WDR73: variants seen among roughly 807,000 people sequenced by gnomAD.
The protein encoded by WDR73 is integrator complex assembly factor WDR73.
In WDR73, 30 loss-of-function variants were observed where a neutral mutation model predicts 38.2. The ratio of observed to expected loss-of-function variants is 0.79; its 90% CI spans 0.59 to 1.06. The LOEUF (loss-of-function observed/expected upper bound fraction) is 1.06. WDR73 is among the 50% of genes least tolerant of loss of function. The pLI, the probability that WDR73 is intolerant of heterozygous loss-of-function variation, is 0.00. For synonymous variants in WDR73, 197 were observed against 176.0 expected (o/e 1.12, Z -0.94); for missense variants, 487 against 467.0 (o/e 1.04, Z -0.40).
chr15:84,648,323 C>A lies in WDR73; in HGVS notation c.287+214G>T, dbSNP rs114502527. 9.5e-4 allele frequency: 560 copies of A among 589,566 alleles called. 4 individuals are homozygous for A. The highest frequency in any genetic ancestry group is 9.3e-3 in the African/African-American group (502 of 53,886). 36.5% of individuals were successfully genotyped at this position (589,566 alleles called of 1,614,324 possible). On this transcript the variant is annotated intron_variant, in intron 4 of 7. Transcript: ENST00000434634. ...GCAACTCCGGTAGAACTGTTACTTA[C>A]ATTAGTCCAAGGGCTCTGGGGGGCT...
intron 5 of WDR73, 83 bp downstream of exon 5, chr15:84,647,807 T>C: frequency 7.2e-7 from 1 of 1,387,898 alleles, no homozygotes; most frequent in South Asian, 1.2e-5. Flanking sequence ...AGTCTCCTTC[T>C]TAACTGGCTC....
Position 84,645,570 on chromosome 15 carries a change from C to T in WDR73, c.784G>A (p.Val262Met), listed in dbSNP as rs1288537019. The change falls in exon 7 of 8, where the codon GTG (valine) becomes ATG (methionine). Residue 262 changes from valine to methionine, a missense_variant. Transcript: ENST00000434634. ...LLDPRDLCHP[V>M]SSVQCPVSVP... ...GATACTGGGCACTGGACTGAGCTCA[C>T]AGGATGGCAGAGATCCCGGGGGTCA... 1 of 1,611,550 alleles carries T rather than the reference C, an allele frequency of 6.2e-7. No homozygotes were observed. The highest frequency in any genetic ancestry group is 8.5e-7 in the Non-Finnish European group (1 of 1,178,902).
intron 4 of WDR73, 60 bp from the exon 5 acceptor site, chr15:84,648,014 C>A: frequency 6.7e-7 from 1 of 1,489,290 alleles, no homozygotes. Flanking sequence ...CAGGTCCCTT[C>A]CCCTTTCCAG....
rs1361794739 is a variant in WDR73 at position 84,643,100 on chromosome 15, T to C, written c.*370A>G. On this transcript the variant is annotated 3_prime_UTR_variant, in exon 8 of 8. Coordinates refer to ENST00000434634, the MANE Select transcript of WDR73 (RefSeq NM_032856.5). ...TAGGGCTGGGATTTTTTCATGTTTA[T>C]TGGCCCCTCTACATTTTTTTCTTTA... The C allele has an allele frequency of 1.0e-5, 2 of 193,940 alleles. No individual in the cohort carries two copies. The highest frequency in any genetic ancestry group is 2.4e-5 in the African/African-American group (1 of 42,296). 12.0% of individuals were successfully genotyped at this position (193,940 alleles called of 1,614,324 possible). A position where few individuals can be genotyped will look rare whatever the true frequency, so the allele number is the denominator to read the frequency against.
intron 5 of WDR73, 193 bp downstream of exon 5, chr15:84,647,697 A>C: frequency 1.7e-6 from 1 of 604,620 alleles, no homozygotes; most frequent in Non-Finnish European, 3.0e-6. Context: ...AGGTTTCACC[A>C]TGTTGTACAA....
At chr15:84,648,221 T>C in intron 4 of WDR73, 3 of 590,302 alleles carry the variant, frequency 5.1e-6, no homozygotes, top group East Asian at 5.6e-5. Flanking sequence ...CCAGAGACTC[T>C]TGGCCTCTCC....
chr15:84,654,053 G>A (rs916660004), intron 1 of WDR73, 181 bp downstream of exon 1: 35 of 774,038 alleles, frequency 4.5e-5, no homozygotes, highest in Middle Eastern at 2.4e-4. Flanking sequence ...GCGCACGCAG[G>A]AAGGAGCCAT....
At position 84,642,081 on chromosome 15, in the gene WDR73, C is replaced by T. The variant is rs184075412; in HGVS notation, c.*1389G>A. ...CCCTGGCCGGGCGCGGTGGCTCACA[C>T]CTGTAATCCCAGCTCTTCGGGAGGC... is the stretch of plus-strand genomic sequence containing the variant. On this transcript the variant is annotated 3_prime_UTR_variant, in exon 8 of 8. Transcript: ENST00000434634. 5.7e-3 allele frequency: 863 copies of T among 152,290 alleles called. 6 individuals are homozygous for T. The highest frequency in any genetic ancestry group is 0.016 in the African/African-American group (679 of 41,530). The allele number at this position is 152,290 out of a possible 1,614,324, so 9.4% of individuals were successfully genotyped here.
At chr15:84,648,069 T>A in intron 4 of WDR73, 115 bp from the exon 5 acceptor site, 1 of 911,228 alleles carries the variant, frequency 1.1e-6, no homozygotes, top group Non-Finnish European at 1.8e-6. Flanking sequence ...GACATCTTAC[T>A]GCAAGATCAT....
intron 7 of WDR73, 95 bp downstream of exon 7, chr15:84,645,376 G>C: frequency 6.4e-7 from 1 of 1,564,694 alleles, no homozygotes; most frequent in Non-Finnish European, 8.7e-7. Context: ...CCTGGAGCCA[G>C]GTTTATCATG....
intron 7 of WDR73, chr15:84,644,938 GCTTT>G (rs1567021453): frequency 1.0e-5 from 1 of 100,144 alleles, no homozygotes; most frequent in African/African-American, 5.9e-5. Flanking sequence ...TGTCCCTGCT[GCTTT>G]TTTTTTTTTT....
rs748325667 is a variant in WDR73, at chr15:84,645,879, TG to T, written c.518-44del. ...AAGGAGACAAGCGGCTGGAGGCAGA[TG>T]GGTCTGGCAATTTGGCAGGGCTGGC... On this transcript the variant is annotated intron_variant, in intron 6 of 7. Coordinates refer to ENST00000434634, the MANE Select transcript of WDR73 (RefSeq NM_032856.5). The T allele has an allele frequency of 3.5e-5, 57 of 1,611,886 alleles. No homozygotes were observed. In the African/African-American group the frequency reaches 7.5e-4, roughly 21 times the overall value.
rs1438861533 is a variant in WDR73 at position 84,639,676 on chromosome 15, G to C, written c.*3794C>G. The C allele has an allele frequency of 1.3e-5, 2 of 152,386 alleles. No individual in the cohort carries two copies. The highest frequency in any genetic ancestry group is 4.8e-5 in the African/African-American group (2 of 41,440). The allele number at this position is 152,386 out of a possible 1,614,324, so 9.4% of individuals were successfully genotyped here. On this transcript the variant is annotated 3_prime_UTR_variant, in exon 8 of 8. Transcript: ENST00000434634. ...TAATCTGGAGAAAAGCCAAGACCTG[G>C]AGCGAGCTGGAGTGGCAGGCCCTGG... is the stretch of plus-strand genomic sequence containing the variant.
At chr15:84,653,993 T>G (rs967289367) in intron 1 of WDR73, 2 of 608,414 alleles carry the variant, frequency 3.3e-6, no homozygotes, top group South Asian at 3.9e-5. Context: ...GCAAACTAAC[T>G]GGGCACTGCG....
At chr15:84,646,131 C>A in intron 6 of WDR73, 53 bp downstream of exon 6, 1 of 1,610,638 alleles carries the variant, frequency 6.2e-7, no homozygotes, top group Non-Finnish European at 8.5e-7. Context: ...CTGAGTTGGG[C>A]TGGGGGGTGA....
In WDR73 at chr15:84,641,340, T is replaced by C. The variant is rs1463804550; in HGVS notation, c.*2130A>G. 6.6e-6 allele frequency: 1 copy of C among 151,970 alleles called. No homozygotes were observed. Among genetic ancestry groups the C allele is most frequent in the East Asian group, 1.9e-4 (1 of 5,186 alleles). 9.4% of individuals were successfully genotyped at this position (151,970 alleles called of 1,614,324 possible). A position where few individuals can be genotyped will look rare whatever the true frequency, so the allele number is the denominator to read the frequency against. On this transcript the variant is annotated 3_prime_UTR_variant, in exon 8 of 8. Transcript: ENST00000434634. ...CTAAACTCGGACAAGCCAGCACTGGTTAAGGGCTGAGGGGAACCAGGCACT... is the reference window on the plus strand; with the variant it reads ...CTAAACTCGGACAAGCCAGCACTGGCTAAGGGCTGAGGGGAACCAGGCACT...
chr15:84,648,117 G>A (rs991320100), intron 4 of WDR73, 163 bp from the exon 5 acceptor site: 3 of 675,380 alleles, frequency 4.4e-6, no homozygotes, highest in African/African-American at 1.8e-5. Context: ...TAAGGAGCAG[G>A]CTCAATCAAC....
In WDR73 at chr15:84,645,626, C is replaced by T; in HGVS notation, c.728G>A (p.Ser243Asn). The change falls in exon 7 of 8, where the codon AGC (serine) becomes AAC (asparagine). Residue 243 changes from serine to asparagine, a missense_variant. Physicochemically the swap from Ser to Asn is conservative, Grantham distance 46. Transcript: ENST00000434634. ...ACAAAGACGCCCATCTGAGCCAAGG[C>T]TGGCAATGCTGGGCCCAGGGCCCTG... ...WGQGPGPSIASLGSDGRLCLL... is the reference protein window; with the variant it reads ...WGQGPGPSIANLGSDGRLCLL... 2 of 1,608,544 alleles carry T rather than the reference C, an allele frequency of 1.2e-6. No individual in the cohort carries two copies. The highest frequency in any genetic ancestry group is 1.7e-6 in the Non-Finnish European group (2 of 1,177,626).
At position 84,643,688 on chromosome 15, in the gene WDR73, A is replaced by T; in HGVS notation, c.919T>A (p.Ser307Thr). Residue 307 changes from serine to threonine, a missense_variant, in exon 8 of 8, where the codon TCT (serine) becomes ACT (threonine). By Grantham distance (58) the Ser-to-Thr change is moderately conservative. Coordinates refer to ENST00000434634, the MANE Select transcript of WDR73 (RefSeq NM_032856.5). ...TCTTGGCTCCGTGTTCCATCCCAAG[A>T]TGTGGCATCATAGACCTGGACTGTA... ...DGTVQVYDATSWDGTRSQDGT... is the reference protein window; with the variant it reads ...DGTVQVYDATTWDGTRSQDGT... The T allele has an allele frequency of 6.2e-7, 1 of 1,612,858 alleles. No individual in the cohort carries two copies. The highest frequency in any genetic ancestry group is 1.3e-5 in the African/African-American group (1 of 74,978).
Sources: gnomAD v4.1 joint callset for allele counts on GRCh38, gnomAD v4.1.1 for gene constraint, MANE v1.5 for transcripts, NCBI Gene and HGNC (gene_info 2026-07-23, HGNC 2026-07-21) for gene names.